Variants in CDC42SE2 observed in about 807,000 individuals in gnomAD.
CDC42SE2 encodes the protein CDC42 small effector 2.
Under a neutral mutation model 11.5 loss-of-function variants are expected in CDC42SE2, and 3 were observed. That is an observed-to-expected ratio of 0.26 (90% CI 0.12 to 0.67). The LOEUF (loss-of-function observed/expected upper bound fraction) is 0.67. CDC42SE2 is among the 30% of genes least tolerant of loss of function. The pLI is 0.80. For synonymous variants in CDC42SE2, 33 were observed against 34.8 expected, an observed-to-expected ratio of 0.95 and a Z score of 0.18; for missense variants, 82 against 106.8, an observed-to-expected ratio of 0.77 and a Z score of 1.02.
At chr5:131,370,867 A>G (rs1165769779) in intron 3 of CDC42SE2, among the ~76,000 whole-genome samples, 4 of 152,094 alleles carry the variant, frequency 2.6e-5, no homozygotes, top group Admixed American at 2.6e-4. Context: ...AATGAAGAGG[A>G]TTAAGCCTTT....
chr5:131,369,244 T>C (rs1218199871), intron 3 of CDC42SE2, among the ~76,000 whole-genome samples: 2 of 152,250 alleles, frequency 1.3e-5, no homozygotes, highest in Non-Finnish European at 2.9e-5. Context: ...GATTGATTCA[T>C]ATTGATGCAG....
intron 4 of CDC42SE2, among the ~76,000 whole-genome samples, chr5:131,386,153 C>G (rs565796190): frequency 1.3e-5 from 2 of 152,224 alleles, no homozygotes; most frequent in African/African-American, 4.8e-5. Context: ...TGGGATGAAA[C>G]TGTTCTACCA....
upstream of CDC42SE2, among the ~76,000 whole-genome samples, chr5:131,242,916 G>A (rs1320886658): frequency 2.6e-5 from 4 of 152,134 alleles, no homozygotes; most frequent in Non-Finnish European, 5.9e-5. Context: ...GTGAACAAAG[G>A]GCACAGGGCA....
At chr5:131,219,515 T>C in the CDC42SE2 span, among the ~76,000 whole-genome samples, 1 of 152,320 alleles carries the variant, frequency 6.6e-6, no homozygotes, top group East Asian at 1.9e-4. Context: ...AATACTTCCC[T>C]CTATGATAGT....
chr5:131,222,168 T>C, the CDC42SE2 span, among the ~76,000 whole-genome samples: 1 of 152,236 alleles, frequency 6.6e-6, no homozygotes, highest in Non-Finnish European at 1.5e-5. Context: ...ATATCTGTGA[T>C]GACAAGAAAT....
intron 3 of CDC42SE2, among the ~76,000 whole-genome samples, chr5:131,359,803 G>C (rs894848959): frequency 1.3e-5 from 2 of 152,088 alleles, no homozygotes; most frequent in African/African-American, 4.8e-5. Flanking sequence ...AATAGCTTCT[G>C]GAGGAATAGT....
chr5:131,284,219 A>G (rs1757296261), intron 1 of CDC42SE2, among the ~76,000 whole-genome samples: 2 of 152,340 alleles, frequency 1.3e-5, no homozygotes, highest in African/African-American at 2.4e-5. Flanking sequence ...TTGCATGGAT[A>G]TAACACATTT....
chr5:131,278,873 C>G (rs1218632052), intron 1 of CDC42SE2, among the ~76,000 whole-genome samples: 1 of 140,834 alleles, frequency 7.1e-6, no homozygotes, highest in African/African-American at 2.7e-5. Context: ...CAACCTCTGC[C>G]TCCTAGGTTC....
chr5:131,385,464 ACAGT>A, intron 3 of CDC42SE2, 75 bp from the exon 4 acceptor site: 3 of 957,242 alleles, frequency 3.1e-6, no homozygotes, highest in Middle Eastern at 2.2e-4. Context: ...AATTTATTAA[ACAGT>A]CATAGTATAA....
chr5:131,251,102 C>T (rs1756635451), intron 1 of CDC42SE2, among the ~76,000 whole-genome samples: 1 of 151,968 alleles, frequency 6.6e-6, no homozygotes, highest in South Asian at 2.1e-4. Context: ...TACAATAAAA[C>T]TATATAAAAA....
intron 1 of CDC42SE2, among the ~76,000 whole-genome samples, chr5:131,300,988 A>G (rs967103611): frequency 2.0e-5 from 3 of 152,172 alleles, no homozygotes; most frequent in African/African-American, 4.8e-5. Context: ...CTGAGGTGGC[A>G]TTGTCTTCGT....
At chr5:131,299,630 C>G (rs1415285498) in intron 1 of CDC42SE2, among the ~76,000 whole-genome samples, 5 of 152,100 alleles carry the variant, frequency 3.3e-5, no homozygotes, top group African/African-American at 7.2e-5. Flanking sequence ...TGGAGCTGCA[C>G]TACATGCAGC....
intron 2 of CDC42SE2, among the ~76,000 whole-genome samples, chr5:131,335,565 G>C (rs1410499981): frequency 6.6e-6 from 1 of 152,144 alleles, no homozygotes. Flanking sequence ...TTGACAGTAG[G>C]ATGTTAAAGT....
intron 1 of CDC42SE2, among the ~76,000 whole-genome samples, chr5:131,268,754 CTT>C (rs11370516): frequency 8.3e-5 from 8 of 96,864 alleles, no homozygotes; most frequent in Admixed American, 2.6e-4. Context: ...ACCCGGATTG[CTT>C]TTTTTTTTTT....
At chr5:131,366,415 A>G (rs1749859811) in intron 3 of CDC42SE2, among the ~76,000 whole-genome samples, 1 of 152,220 alleles carries the variant, frequency 6.6e-6, no homozygotes. Flanking sequence ...GAAAAGGGAT[A>G]AGAAGGCAGT....
At chr5:131,367,104 ATATG>A (rs1374369805) in intron 3 of CDC42SE2, among the ~76,000 whole-genome samples, 1 of 151,464 alleles carries the variant, frequency 6.6e-6, no homozygotes, top group Non-Finnish European at 1.5e-5. Context: ...AATCAAATAT[ATATG>A]TGTGTGTGTG....
At position 131,359,442 on chromosome 5, in the gene CDC42SE2, C is replaced by T. The variant is rs369822334; in HGVS notation, c.-52C>T. 31 of 1,395,238 alleles carry T rather than the reference C, an allele frequency of 2.2e-5. No homozygotes were observed. The highest frequency in any genetic ancestry group is 1.1e-4 in the African/African-American group (8 of 70,758). The allele number at this position is 1,395,238 out of a possible 1,614,324, so 86.4% of individuals were successfully genotyped here. A position where few individuals can be genotyped will look rare whatever the true frequency, so the allele number is the denominator to read the frequency against. ...TGAGGAGCGTATTTTTGGAACTTCC[C>T]GAGTTGAGATTTGGAACCTTCATTG... On this transcript the variant is annotated 5_prime_UTR_variant, in exon 3 of 5. Transcript: ENST00000505065.
At chr5:131,296,381 A>G (rs1241358570) in intron 1 of CDC42SE2, among the ~76,000 whole-genome samples, 1 of 152,190 alleles carries the variant, frequency 6.6e-6, no homozygotes, top group Non-Finnish European at 1.5e-5. Context: ...GCTTAAGACA[A>G]CAGAAATGTG....
chr5:131,361,645 C>T (rs1462048343), intron 3 of CDC42SE2, among the ~76,000 whole-genome samples: 1 of 152,176 alleles, frequency 6.6e-6, no homozygotes, highest in East Asian at 1.9e-4. Flanking sequence ...TGGGTTCTTG[C>T]TTTGGTGTGC....
Sources: gnomAD v4.1 joint callset for allele counts (sites outside exome capture counted in the v4.1 genomes callset) on GRCh38, gnomAD v4.1.1 for gene constraint, MANE v1.5 for transcripts, NCBI Gene and HGNC (gene_info 2026-07-23, HGNC 2026-07-21) for gene names.